The following LPAR3 variants were observed in gnomAD, a reference collection of about 807,000 sequenced individuals.
LPAR3 encodes LPA receptor 3.
Under a neutral mutation model 17.8 loss-of-function variants are expected in LPAR3, and 7 were observed. That is an observed-to-expected ratio of 0.39 (90% CI 0.22 to 0.74). The LOEUF is 0.74. Among genes scored for constraint, LPAR3 ranks in the 30% least tolerant of loss-of-function variants. The pLI is 0.40. For missense variants in LPAR3, 391 were observed against 453.4 expected, an observed-to-expected ratio of 0.86 and a Z score of 1.25; for synonymous variants, 179 against 179.9, an observed-to-expected ratio of 0.99 and a Z score of 0.04.
chr1:84,880,591 C>T (rs765247407), intron 1 of LPAR3, among the ~76,000 whole-genome samples: 3 of 152,174 alleles, frequency 2.0e-5, no homozygotes, highest in Non-Finnish European at 4.4e-5. Flanking sequence ...GTACACACTA[C>T]TGAAGAGAGG....
At chr1:84,885,415 T>A (rs1309489911) in intron 1 of LPAR3, among the ~76,000 whole-genome samples, 1 of 152,232 alleles carries the variant, frequency 6.6e-6, no homozygotes, top group Admixed American at 6.5e-5. Context: ...AGTACCCTCA[T>A]AACATGTTGG....
At chr1:84,884,084 A>C (rs1231524013) in intron 1 of LPAR3, among the ~76,000 whole-genome samples, 3 of 152,094 alleles carry the variant, frequency 2.0e-5, no homozygotes, top group Non-Finnish European at 2.9e-5. Context: ...TGGAAATGTT[A>C]TTACTTCTTT....
chr1:84,873,601 G>C (rs1660198644), intron 1 of LPAR3, among the ~76,000 whole-genome samples: 1 of 152,186 alleles, frequency 6.6e-6, no homozygotes. Context: ...ATGTTTATTA[G>C]AGGGGTGCTT....
At chr1:84,816,295 T>A (rs2102743159) in intron 2 of LPAR3, among the ~76,000 whole-genome samples, 1 of 152,310 alleles carries the variant, frequency 6.6e-6, no homozygotes, top group South Asian at 2.1e-4. Flanking sequence ...ACAAGTCAAA[T>A]TTGTTTGAGT....
intron 2 of LPAR3, among the ~76,000 whole-genome samples, chr1:84,830,401 C>T (rs568871056): frequency 1.1e-4 from 17 of 151,702 alleles, no homozygotes; most frequent in Middle Eastern, 3.4e-3. Flanking sequence ...TATTCTTCCT[C>T]CTGCCACTGT....
intron 2 of LPAR3, among the ~76,000 whole-genome samples, chr1:84,831,331 C>A (rs1470223717): frequency 6.6e-6 from 1 of 152,162 alleles, no homozygotes; most frequent in African/African-American, 2.4e-5. Context: ...GTGGCTCACA[C>A]CGTAGTCCTA....
intron 2 of LPAR3, among the ~76,000 whole-genome samples, chr1:84,863,656 C>T (rs1659983214): frequency 6.6e-6 from 1 of 152,158 alleles, no homozygotes; most frequent in Non-Finnish European, 1.5e-5. Context: ...TACCAGTTTC[C>T]CCCCAGGACT....
intron 2 of LPAR3, among the ~76,000 whole-genome samples, chr1:84,821,319 G>A (rs898186100): frequency 4.6e-5 from 7 of 152,036 alleles, no homozygotes; most frequent in African/African-American, 1.2e-4. Flanking sequence ...CCCCATACAC[G>A]TCCACACACT....
At chr1:84,840,584 C>G (rs148780497) in intron 2 of LPAR3, among the ~76,000 whole-genome samples, 1 of 152,174 alleles carries the variant, frequency 6.6e-6, no homozygotes, top group South Asian at 2.1e-4. Flanking sequence ...GCATAAGGAC[C>G]AAATTTATAA....
At chr1:84,855,932 G>A (rs1659810447) in intron 2 of LPAR3, among the ~76,000 whole-genome samples, 1 of 152,206 alleles carries the variant, frequency 6.6e-6, no homozygotes, top group African/African-American at 2.4e-5. Flanking sequence ...GAACAAGTGG[G>A]ATGGAGTGCC....
chr1:84,862,159 C>A (rs1302180940), intron 2 of LPAR3, among the ~76,000 whole-genome samples: 2 of 152,206 alleles, frequency 1.3e-5, no homozygotes, highest in Non-Finnish European at 2.9e-5. Flanking sequence ...GCAGGGACAG[C>A]AGCACAGTTC....
At chr1:84,881,300 G>A (rs1159685787) in intron 1 of LPAR3, among the ~76,000 whole-genome samples, 1 of 152,142 alleles carries the variant, frequency 6.6e-6, no homozygotes, top group Non-Finnish European at 1.5e-5. Context: ...ACTTTTAGCA[G>A]TGGCTCTCAC....
At chr1:84,856,843 T>C (rs2102761453) in intron 2 of LPAR3, among the ~76,000 whole-genome samples, 1 of 152,318 alleles carries the variant, frequency 6.6e-6, no homozygotes, top group Non-Finnish European at 1.5e-5. Context: ...CAGGGTCTCA[T>C]TTATAATGTT....
At chr1:84,842,101 C>T (rs1659514983) in intron 2 of LPAR3, among the ~76,000 whole-genome samples, 1 of 152,190 alleles carries the variant, frequency 6.6e-6, no homozygotes, top group Admixed American at 6.6e-5. Flanking sequence ...GGCTTTCCAA[C>T]ACCTAGTTCC....
At chr1:84,868,359 C>G (rs527348271) in intron 1 of LPAR3, among the ~76,000 whole-genome samples, 3 of 152,180 alleles carry the variant, frequency 2.0e-5, no homozygotes, top group Admixed American at 6.5e-5. Context: ...ATCCGCCCAC[C>G]TTGGCCTCCC....
chr1:84,826,276 T>C (rs1659155799), intron 2 of LPAR3, among the ~76,000 whole-genome samples: 2 of 152,126 alleles, frequency 1.3e-5, no homozygotes, highest in African/African-American at 2.4e-5. Flanking sequence ...ATCATGCTAG[T>C]ATTTGTCATT....
At chr1:84,831,452 T>C (rs1179153839) in intron 2 of LPAR3, among the ~76,000 whole-genome samples, 1 of 152,074 alleles carries the variant, frequency 6.6e-6, no homozygotes, top group African/African-American at 2.4e-5. Flanking sequence ...CAGGACTCCA[T>C]CTCTAAAAAA....
intron 1 of LPAR3, among the ~76,000 whole-genome samples, chr1:84,881,392 G>A (rs181515231): frequency 4.6e-5 from 7 of 152,280 alleles, no homozygotes; most frequent in Non-Finnish European, 1.0e-4. Flanking sequence ...ATTGTTGGAT[G>A]GACTAAATTA....
At chr1:84,858,291 G>A (rs1659867256) in intron 2 of LPAR3, among the ~76,000 whole-genome samples, 1 of 151,986 alleles carries the variant, frequency 6.6e-6, no homozygotes, top group Non-Finnish European at 1.5e-5. Flanking sequence ...AGACCAGCCT[G>A]GGCAACATGG....
Sources: gnomAD v4.1 joint callset for allele counts (sites outside exome capture counted in the v4.1 genomes callset) on GRCh38, gnomAD v4.1.1 for gene constraint, MANE v1.5 for transcripts, NCBI Gene and HGNC (gene_info 2026-07-23, HGNC 2026-07-21) for gene names.